Variants in ZMAT4 observed in about 807,000 individuals in gnomAD.
ZMAT4 encodes the protein zinc finger matrin-type protein 4.
ZMAT4 carries 17 observed loss-of-function variants against 28.7 expected under a neutral mutation model. That is an observed-to-expected ratio of 0.59 (90% confidence interval 0.41 to 0.89). The LOEUF (loss-of-function observed/expected upper bound fraction) is 0.89, where lower values mean the gene tolerates loss of function less well. Ranked by LOEUF, ZMAT4 falls within the 40% of genes least tolerant of loss-of-function variation. The pLI is 0.00. For missense variants in ZMAT4, 240 were observed against 283.8 expected (o/e 0.85, Z 1.11); for synonymous variants, 117 against 109.2 (o/e 1.07, Z -0.44).
chr8:40,575,195 G>A (rs1192527246), intron 6 of ZMAT4, among the ~76,000 whole-genome samples: 1 of 152,092 alleles, frequency 6.6e-6, no homozygotes, highest in East Asian at 1.9e-4. Flanking sequence ...CAGCAAACCT[G>A]CCCCCAGATA....
At chr8:40,627,900 A>G (rs1563373838) in intron 5 of ZMAT4, among the ~76,000 whole-genome samples, 1 of 152,198 alleles carries the variant, frequency 6.6e-6, no homozygotes, top group African/African-American at 2.4e-5. Context: ...GAGGGATTTA[A>G]GGCTTGAAGA....
At chr8:40,684,290 C>G (rs1394445693) in intron 4 of ZMAT4, among the ~76,000 whole-genome samples, 1 of 152,176 alleles carries the variant, frequency 6.6e-6, no homozygotes, top group Non-Finnish European at 1.5e-5. Flanking sequence ...GATCTGCTAA[C>G]TGGGCACTGC....
chr8:40,722,715 A>G (rs6474271), intron 3 of ZMAT4, among the ~76,000 whole-genome samples: 41,531 of 152,012 alleles, frequency 0.27, 6,554 homozygotes, highest in East Asian at 0.56. Flanking sequence ...CTCCCTGCTC[A>G]CAGTCAGGAG....
chr8:40,839,092 C>T (rs947419271), intron 1 of ZMAT4, among the ~76,000 whole-genome samples: 5 of 152,232 alleles, frequency 3.3e-5, no homozygotes, highest in Non-Finnish European at 7.3e-5. Context: ...CTCACTGCCT[C>T]TTCCAGAATA....
intron 4 of ZMAT4, among the ~76,000 whole-genome samples, chr8:40,675,571 A>C (rs1041539391): frequency 6.6e-6 from 1 of 152,240 alleles, no homozygotes; most frequent in African/African-American, 2.4e-5. Flanking sequence ...GTGATCTATC[A>C]GTCAAAATAA....
intron 2 of ZMAT4, among the ~76,000 whole-genome samples, chr8:40,790,802 C>T (rs1302535109): frequency 6.6e-6 from 1 of 152,150 alleles, no homozygotes; most frequent in African/African-American, 2.4e-5. Flanking sequence ...TGCATTTGAA[C>T]ATGCAAAGCA....
At chr8:40,609,697 T>C (rs1308764006) in intron 5 of ZMAT4, among the ~76,000 whole-genome samples, 1 of 152,186 alleles carries the variant, frequency 6.6e-6, no homozygotes, top group East Asian at 1.9e-4. Context: ...AATTTTCTTC[T>C]TACCTATTCT....
At chr8:40,536,975 G>A (rs1298629464) in intron 6 of ZMAT4, among the ~76,000 whole-genome samples, 1 of 151,970 alleles carries the variant, frequency 6.6e-6, no homozygotes, top group Admixed American at 6.6e-5. Flanking sequence ...GAATCAGGAA[G>A]ATGGCTTTGT....
chr8:40,862,301 T>G (rs1288320170), intron 1 of ZMAT4, among the ~76,000 whole-genome samples: 1 of 150,672 alleles, frequency 6.6e-6, no homozygotes, highest in African/African-American at 2.4e-5. Context: ...ACCATCATTC[T>G]CAGCAAATTA....
intron 6 of ZMAT4, among the ~76,000 whole-genome samples, chr8:40,558,337 C>T (rs1022043685): frequency 2.6e-5 from 4 of 152,158 alleles, no homozygotes; most frequent in Middle Eastern, 6.8e-3. Context: ...TGAGGAATGG[C>T]ACATAGAAAG....
chr8:40,805,005 A>T (rs1586081784), intron 2 of ZMAT4, among the ~76,000 whole-genome samples: 1 of 151,876 alleles, frequency 6.6e-6, no homozygotes, highest in East Asian at 1.9e-4. Context: ...ATCAGAGTGA[A>T]CAGGCAACCT....
chr8:40,629,764 C>A (rs1585782941), intron 5 of ZMAT4, among the ~76,000 whole-genome samples: 1 of 152,052 alleles, frequency 6.6e-6, no homozygotes, highest in Admixed American at 6.6e-5. Flanking sequence ...GCATAGTATT[C>A]CATGGTGTAT....
At chr8:40,603,407 A>G (rs2118628252) in intron 5 of ZMAT4, among the ~76,000 whole-genome samples, 1 of 151,576 alleles carries the variant, frequency 6.6e-6, no homozygotes, top group East Asian at 1.9e-4. Flanking sequence ...GGCTATGCGG[A>G]CTCTTTTTTT....
At chr8:40,778,656 T>G (rs926436403) in intron 2 of ZMAT4, among the ~76,000 whole-genome samples, 13 of 152,260 alleles carry the variant, frequency 8.5e-5, no homozygotes, top group African/African-American at 3.1e-4. Context: ...GTATTTGTTT[T>G]ATTTAATCCA....
chr8:40,763,231 C>T (rs761992491), intron 3 of ZMAT4, among the ~76,000 whole-genome samples: 10 of 152,134 alleles, frequency 6.6e-5, no homozygotes, highest in East Asian at 1.9e-4. Flanking sequence ...TGTCCCCCAG[C>T]GCTTTGCAGA....
intron 2 of ZMAT4, among the ~76,000 whole-genome samples, chr8:40,780,794 A>T (rs929031032): frequency 6.6e-5 from 10 of 152,220 alleles, no homozygotes; most frequent in Non-Finnish European, 1.0e-4. Context: ...AAAAACCCTA[A>T]GATCATCTCA....
intron 3 of ZMAT4, among the ~76,000 whole-genome samples, chr8:40,715,037 G>GA (rs1810786350): frequency 6.6e-5 from 3 of 45,472 alleles, no homozygotes; most frequent in Admixed American, 6.4e-4. Context: ...GACAGAGGGA[G>GA]ACTCTGTCTC....
chr8:40,597,871 G>A (rs1171735460), intron 5 of ZMAT4, among the ~76,000 whole-genome samples: 1 of 152,084 alleles, frequency 6.6e-6, no homozygotes. Context: ...TCTTTAACCT[G>A]GATGGAAAAA....
At chr8:40,556,621 A>AT (rs1563338694) in intron 6 of ZMAT4, among the ~76,000 whole-genome samples, 1 of 152,100 alleles carries the variant, frequency 6.6e-6, no homozygotes, top group Non-Finnish European at 1.5e-5. Context: ...CTGTTCCTAG[A>AT]TTTTTCCTTC....
Sources: gnomAD v4.1 joint callset for allele counts (sites outside exome capture counted in the v4.1 genomes callset) on GRCh38, gnomAD v4.1.1 for gene constraint, MANE v1.5 for transcripts, NCBI Gene and HGNC (gene_info 2026-07-23, HGNC 2026-07-21) for gene names.